Variants in CTNNBL1 observed in about 807,000 individuals in gnomAD.
CTNNBL1 encodes the protein beta-catenin-like protein 1.
A neutral mutation model predicts 72.7 loss-of-function variants in CTNNBL1; 31 were observed. The observed-to-expected ratio is 0.43, with a 90% CI of 0.32 to 0.58. The LOEUF (loss-of-function observed/expected upper bound fraction) is 0.58. Ranked by LOEUF, CTNNBL1 falls within the 20% of genes least tolerant of loss-of-function variation. The probability of loss-of-function intolerance (pLI) is 0.08; values close to 1 mark genes in which losing one functional copy is unlikely to be tolerated. For synonymous variants in CTNNBL1, 240 were observed against 267.3 expected (o/e 0.90, Z 1.00); for missense variants, 534 against 725.1 (o/e 0.74, Z 3.03).
intron 11 of CTNNBL1, among the ~76,000 whole-genome samples, chr20:37,823,705 G>A (rs1429873737): frequency 6.6e-6 from 1 of 152,254 alleles, no homozygotes; most frequent in Non-Finnish European, 1.5e-5. Context: ...TTTCAGAGGA[G>A]TGTGAACACC....
chr20:37,697,542 C>T (rs73290822), intron 1 of CTNNBL1, among the ~76,000 whole-genome samples: 7,571 of 152,212 alleles, frequency 0.05, 224 homozygotes, highest in East Asian at 0.1. Context: ...AAGATGTAGG[C>T]ATGTGACAAG....
chr20:37,706,391 C>G (rs2072884994), intron 1 of CTNNBL1, among the ~76,000 whole-genome samples: 1 of 152,228 alleles, frequency 6.6e-6, no homozygotes, highest in East Asian at 1.9e-4. Flanking sequence ...AATTTATCAT[C>G]TAAGTTCATG....
At chr20:37,797,979 T>G (rs948271930) in intron 10 of CTNNBL1, among the ~76,000 whole-genome samples, 16 of 152,170 alleles carry the variant, frequency 1.1e-4, no homozygotes, top group African/African-American at 3.4e-4. Context: ...ATCTCCTTTT[T>G]AAGTCCTCCC....
intron 13 of CTNNBL1, among the ~76,000 whole-genome samples, chr20:37,855,926 T>C (rs1028136681): frequency 6.6e-6 from 1 of 151,944 alleles, no homozygotes; most frequent in African/African-American, 2.4e-5. Flanking sequence ...CAATACTGTT[T>C]GGCAAATGCT....
At chr20:37,773,174 G>A (rs1179441381) in intron 7 of CTNNBL1, among the ~76,000 whole-genome samples, 1 of 152,212 alleles carries the variant, frequency 6.6e-6, no homozygotes, top group Non-Finnish European at 1.5e-5. Flanking sequence ...TGTACAACTG[G>A]TTGATGCTAA....
intron 13 of CTNNBL1, among the ~76,000 whole-genome samples, chr20:37,856,300 C>A (rs1185117326): frequency 6.6e-6 from 1 of 151,896 alleles, no homozygotes; most frequent in Non-Finnish European, 1.5e-5. Context: ...TCAAGGAACG[C>A]ACACAAGGAA....
At chr20:37,753,289 A>T (rs1438716436) in intron 4 of CTNNBL1, among the ~76,000 whole-genome samples, 1 of 152,178 alleles carries the variant, frequency 6.6e-6, no homozygotes, top group Non-Finnish European at 1.5e-5. Context: ...TGACTTCTCA[A>T]CTGAGGCAGG....
At chr20:37,732,786 G>T (rs2073140295) in intron 1 of CTNNBL1, 93 bp from the exon 2 acceptor site, 1 of 1,176,202 alleles carries the variant, frequency 8.5e-7, no homozygotes, top group Non-Finnish European at 1.2e-6. Flanking sequence ...GCCTGCCTTG[G>T]CCTCCCAAAG....
intron 11 of CTNNBL1, among the ~76,000 whole-genome samples, chr20:37,826,011 C>T (rs1238590213): frequency 6.6e-6 from 1 of 152,182 alleles, no homozygotes; most frequent in East Asian, 1.9e-4. Context: ...CTGAAGGCTT[C>T]GTGGACCTCT....
At chr20:37,714,653 C>G (rs2072970316) in intron 1 of CTNNBL1, among the ~76,000 whole-genome samples, 1 of 152,210 alleles carries the variant, frequency 6.6e-6, no homozygotes, top group South Asian at 2.1e-4. Context: ...TGTTGCAAGT[C>G]TACTGTGGGC....
intron 13 of CTNNBL1, among the ~76,000 whole-genome samples, chr20:37,850,707 C>T (rs2072389055): frequency 6.6e-6 from 1 of 152,134 alleles, no homozygotes; most frequent in African/African-American, 2.4e-5. Flanking sequence ...TAGTTACTTC[C>T]CTCTCCCGTG....
intron 1 of CTNNBL1, among the ~76,000 whole-genome samples, chr20:37,694,539 C>G (rs2072772758): frequency 6.6e-6 from 1 of 152,236 alleles, no homozygotes; most frequent in Non-Finnish European, 1.5e-5. Context: ...AGCTTCTCCA[C>G]TGACTGGCTA....
At chr20:37,861,174 C>T (rs1257041971) in intron 15 of CTNNBL1, among the ~76,000 whole-genome samples, 1 of 152,240 alleles carries the variant, frequency 6.6e-6, no homozygotes. Context: ...GGAGGTACTA[C>T]AGCATCCAGT....
rs571311127 is a variant in CTNNBL1, at chr20:37,787,545, C to T, written c.1031+8210C>T. 4.9e-3 allele frequency among the ~76,000 whole-genome samples: 743 copies of T among 152,122 alleles called. 5 individuals carry two copies. The highest frequency in any genetic ancestry group is 0.017 in the African/African-American group (713 of 41,506). On this transcript the variant is annotated intron_variant, in intron 10 of 15. Coordinates refer to ENST00000361383, the MANE Select transcript of CTNNBL1 (RefSeq NM_030877.5). ...ATTTTTAGTAGAGACGGGGTTTCAC[C>T]GTTTTAGCCGGGATGGTCTCGATCT...
At chr20:37,774,821 C>T (rs1191578389) in intron 7 of CTNNBL1, among the ~76,000 whole-genome samples, 1 of 152,160 alleles carries the variant, frequency 6.6e-6, no homozygotes, top group African/African-American at 2.4e-5. Context: ...ACTTGTGGTA[C>T]CTACTGTGTG....
At chr20:37,699,548 A>G (rs1251955709) in intron 1 of CTNNBL1, among the ~76,000 whole-genome samples, 1 of 152,154 alleles carries the variant, frequency 6.6e-6, no homozygotes, top group East Asian at 1.9e-4. Context: ...AGATTTGAAA[A>G]CTTTTTAAAG....
At chr20:37,833,219 A>T (rs1196948389) in intron 11 of CTNNBL1, among the ~76,000 whole-genome samples, 2 of 152,156 alleles carry the variant, frequency 1.3e-5, no homozygotes, top group East Asian at 3.9e-4. Flanking sequence ...CAGCTCTGAA[A>T]ATTATAAAAC....
intron 11 of CTNNBL1, among the ~76,000 whole-genome samples, chr20:37,803,828 T>G (rs1486583562): frequency 2.6e-5 from 4 of 151,284 alleles, no homozygotes; most frequent in African/African-American, 9.7e-5. Flanking sequence ...GGCTGTTTTC[T>G]CAGAAGCAAT....
intron 10 of CTNNBL1, among the ~76,000 whole-genome samples, chr20:37,799,238 A>G (rs1343328900): frequency 1.3e-5 from 2 of 152,118 alleles, no homozygotes; most frequent in African/African-American, 2.4e-5. Flanking sequence ...GCCTTCTAAA[A>G]TGTATCTGTC....
Sources: gnomAD v4.1 joint callset for allele counts (sites outside exome capture counted in the v4.1 genomes callset) on GRCh38, gnomAD v4.1.1 for gene constraint, MANE v1.5 for transcripts, NCBI Gene and HGNC (gene_info 2026-07-23, HGNC 2026-07-21) for gene names.